GCC2: variants seen among roughly 807,000 people sequenced by gnomAD.
GCC2 encodes the protein GRIP and coiled-coil domain containing 2.
GCC2 carries 120 observed loss-of-function variants against 210.6 expected under a neutral mutation model. The ratio of observed to expected loss-of-function variants is 0.57; its 90% CI spans 0.49 to 0.66. The LOEUF is 0.66. Among genes scored for constraint, GCC2 ranks in the 30% least tolerant of loss-of-function variants. The probability of loss-of-function intolerance (pLI) is 0.00; values close to 1 mark genes in which losing one functional copy is unlikely to be tolerated. For synonymous variants in GCC2, 703 were observed against 652.7 expected, an observed-to-expected ratio of 1.08 and a Z score of -1.17; for missense variants, 1,868 against 1,871.9, an observed-to-expected ratio of 1.00 and a Z score of 0.04.
At position 108,470,918 on chromosome 2, in the gene GCC2, A is replaced by T; in HGVS notation, c.1589A>T (p.Lys530Ile). 6.2e-7 allele frequency: 1 copy of T among 1,613,618 alleles called. No homozygotes were observed. The highest frequency in any genetic ancestry group is 8.5e-7 in the Non-Finnish European group (1 of 1,179,706). The change falls in exon 6 of 23, where the codon AAA (lysine) becomes ATA (isoleucine). Residue 530 changes from lysine to isoleucine, a missense_variant. Transcript: ENST00000309863. ...QQKLRTAFTE[K>I]DALLETVNRL... The stretch of plus-strand genomic sequence containing the variant: ...AAGCTCAGAACTGCTTTTACTGAAA[A>T]AGATGCCCTTCTCGAAACTGTGAAT...
chr2:108,482,279 C>T lies in GCC2; in HGVS notation c.3181-8C>T, dbSNP rs1368204343. 8 of 1,538,778 alleles carry T rather than the reference C, an allele frequency of 5.2e-6. No homozygotes were observed. In the Admixed American group the frequency reaches 1.5e-4, roughly 29 times the overall value. ...ATGTTTATAGTAATGAATCATTTGT[C>T]ATTTCAGTGTGAAACAATAAATTCT... On this transcript the variant is annotated splice_polypyrimidine_tract_variant and splice_region_variant and intron_variant, in intron 10 of 22. Coordinates refer to ENST00000309863, the MANE Select transcript of GCC2 (RefSeq NM_181453.4).
intron 21 of GCC2, among the ~76,000 whole-genome samples, chr2:108,499,082 C>CTA (rs4012131): frequency 1.1e-5 from 1 of 91,862 alleles, no homozygotes; most frequent in Admixed American, 1.2e-4. Context: ...ATCCTCTCCT[C>CTA]GTCAGTGATA....
intron 4 of GCC2, among the ~76,000 whole-genome samples, chr2:108,463,282 A>G (rs1355744584): frequency 2.6e-5 from 4 of 151,952 alleles, no homozygotes; most frequent in Non-Finnish European, 5.9e-5. Flanking sequence ...AATGTTTTCT[A>G]TGTCCTTTAC....
intron 21 of GCC2, among the ~76,000 whole-genome samples, chr2:108,498,129 C>CAAATCACTAACTA: frequency 7.1e-6 from 1 of 140,830 alleles, no homozygotes; most frequent in Non-Finnish European, 1.5e-5. Flanking sequence ...TCGTAGCTAA[C>CAAATCACTAACTA]AAATCACTAA....
rs1682757841 is a variant in GCC2, at chr2:108,498,425, ACCTCGTGATCTGCCTG to A, written c.4783-1123_4783-1108del. On this transcript the variant is annotated intron_variant, in intron 21 of 22. Coordinates refer to ENST00000309863, the MANE Select transcript of GCC2 (RefSeq NM_181453.4). ...TGGCCAGGATGGTCTCAATCTCCTG[ACCTCGTGATCTGCCTG>A]CCTCAGCCTCCCAAAGTGTTGGGAT... 2.0e-5 allele frequency among the ~76,000 whole-genome samples: 3 copies of A among 151,496 alleles called. No individual in the cohort carries two copies. In the South Asian group the frequency reaches 6.3e-4, roughly 32 times the overall value.
rs545469314 is a variant in GCC2, at chr2:108,476,928, C to T, written c.3060+1078C>T. 4.6e-5 allele frequency among the ~76,000 whole-genome samples: 7 copies of T among 152,114 alleles called. No individual in the cohort carries two copies. In the South Asian group the frequency reaches 1.5e-3, roughly 32 times the overall value. On this transcript the variant is annotated intron_variant, in intron 9 of 22. Coordinates refer to ENST00000309863, the MANE Select transcript of GCC2 (RefSeq NM_181453.4). Reference sequence around the variant, plus strand: ...GGCGGGATTTGATGAAAAAAAATATCCCACAGCAGCCATAAAATCCAATCT... The same window carrying T: ...GGCGGGATTTGATGAAAAAAAATATTCCACAGCAGCCATAAAATCCAATCT...
intron 9 of GCC2, among the ~76,000 whole-genome samples, chr2:108,480,161 T>C (rs1434059672): frequency 1.3e-5 from 2 of 151,966 alleles, no homozygotes; most frequent in African/African-American, 4.8e-5. Flanking sequence ...AAATATAAAC[T>C]TTGCAAGAAA....
rs781322684 is a variant in GCC2 at position 108,470,203 on chromosome 2, CAGA to C, written c.879_881del (p.Lys294del). The C allele has an allele frequency of 1.9e-6, 3 of 1,612,976 alleles. No homozygotes were observed. The highest frequency in any genetic ancestry group is 2.5e-6 in the Non-Finnish European group (3 of 1,179,590). On this transcript the variant is annotated inframe_deletion, in exon 6 of 23. Transcript: ENST00000309863. ...ATGTGAGGCAAGTGAAAAGAACATCCAGAAGAAATATGAATGTGAGTTAGAAAA... is the reference window on the plus strand; with the variant it reads ...ATGTGAGGCAAGTGAAAAGAACATCCAGAAATATGAATGTGAGTTAGAAAA...
Position 108,497,056 on chromosome 2 carries a change from G to C in GCC2, c.4729G>C (p.Gly1577Arg). The C allele has an allele frequency of 6.2e-7, 1 of 1,611,948 alleles. No homozygotes were observed. Among genetic ancestry groups the C allele is most frequent in the South Asian group, 1.1e-5 (1 of 90,984 alleles). ...STTKSADHLN[G>R]LLRETEATNA... ...CACAAAAAGTGCAGATCACTTAAAC[G>C]GCCTGCTTCGGGAAACAGAAGCAAC... The change falls in exon 21 of 23, where the codon GGC becomes CGC. Residue 1577 changes from glycine to arginine, a missense_variant. This residue lies in a region of GCC2 where 1,847 missense variants were observed against 1,765.2 expected (regional missense o/e 1.05). Transcript: ENST00000309863.
intron 5 of GCC2, 69 bp from the exon 6 acceptor site, chr2:108,469,582 T>C: frequency 9.0e-7 from 1 of 1,105,054 alleles, no homozygotes; most frequent in South Asian, 1.6e-5. Flanking sequence ...GTGGCTAATA[T>C]TTTTCCTAAG....
chr2:108,489,010 A>C (rs1468841171), intron 17 of GCC2, among the ~76,000 whole-genome samples: 1 of 152,198 alleles, frequency 6.6e-6, no homozygotes, highest in Non-Finnish European at 1.5e-5. Flanking sequence ...ACATGAATGT[A>C]AATGTTTTGT....
Position 108,487,370 on chromosome 2 carries a change from G to A in GCC2, c.3931-329G>A, listed in dbSNP as rs1314078689. 2.6e-5 allele frequency among the ~76,000 whole-genome samples: 4 copies of A among 152,210 alleles called. No individual in the cohort carries two copies. In the South Asian group the frequency reaches 8.3e-4, roughly 32 times the overall value. ...ATTGAGAGGCCTTTAAAAAGTGTAA[G>A]GCCTCCCAACATGAAGACCTGATAA... On this transcript the variant is annotated intron_variant, in intron 16 of 22. Transcript: ENST00000309863.
chr2:108,482,802 G>A (rs939596924), intron 11 of GCC2, among the ~76,000 whole-genome samples: 7 of 151,908 alleles, frequency 4.6e-5, no homozygotes, highest in Non-Finnish European at 8.8e-5. Context: ...TCAGCCTCCC[G>A]AGTAGCTGGG....
chr2:108,472,743 A>G, intron 6 of GCC2, 84 bp from the exon 7 acceptor site: 1 of 783,518 alleles, frequency 1.3e-6, no homozygotes, highest in South Asian at 1.6e-5. Flanking sequence ...TATGCTTAAC[A>G]TGATGGCCAG....
chr2:108,470,160 A>C lies in GCC2; in HGVS notation c.831A>C (p.Lys277Asn). Reference protein sequence around the residue: ...EAEINKLNELKENLVKQCEAS... With the variant: ...EAEINKLNELNENLVKQCEAS... ...AGATAAATAAGTTGAACGAGCTAAA[A>C]GAGAACTTAGTAAAACAATGTGAGG... The change falls in exon 6 of 23, where the codon AAA becomes AAC. Residue 277 changes from lysine to asparagine, a missense_variant. Lys to Asn is a moderately conservative substitution (Grantham distance 94). Around this residue, in one of 3 missense-constraint regions of GCC2, gnomAD observed 1,847 missense variants for 1,765.2 expected, o/e 1.05. Transcript: ENST00000309863. 2 of 1,613,806 alleles carry C rather than the reference A, an allele frequency of 1.2e-6. No homozygotes were observed. The highest frequency in any genetic ancestry group is 2.2e-5 in the South Asian group (2 of 91,052).
Position 108,508,180 on chromosome 2 carries a change from T to C in GCC2, c.*550T>C, listed in dbSNP as rs1304353417. ...TAGTAATAAAATAAAAATAACGTTT[T>C]ATGACTATTTATTGCAAGGTCAGAG... is the stretch of plus-strand genomic sequence containing the variant. On this transcript the variant is annotated 3_prime_UTR_variant, in exon 23 of 23. Transcript: ENST00000309863. 1 of 151,244 alleles carries C rather than the reference T, an allele frequency of 6.6e-6. No individual in the cohort carries two copies. The highest frequency in any genetic ancestry group is 1.5e-5 in the Non-Finnish European group (1 of 67,902). 9.4% of individuals were successfully genotyped at this position (151,244 alleles called of 1,614,324 possible). A position where few individuals can be genotyped will look rare whatever the true frequency, so the allele number is the denominator to read the frequency against.
intron 18 of GCC2, among the ~76,000 whole-genome samples, chr2:108,490,849 C>T (rs1682370686): frequency 6.6e-6 from 1 of 152,140 alleles, no homozygotes; most frequent in South Asian, 2.1e-4. Flanking sequence ...TTGCAAATTA[C>T]ATTGCTAACA....
At chr2:108,488,681 C>T (rs1323644952) in intron 17 of GCC2, among the ~76,000 whole-genome samples, 4 of 152,044 alleles carry the variant, frequency 2.6e-5, no homozygotes, top group Non-Finnish European at 4.4e-5. Flanking sequence ...GCATACAGAT[C>T]CTGTTTGTAC....
chr2:108,469,750 G>A lies in GCC2; in HGVS notation c.421G>A (p.Val141Ile). ...IENLKNELMA[V>I]RSKYSEDKAN... The stretch of plus-strand genomic sequence containing the variant: ...AAATTTGAAAAATGAGTTGATGGCA[G>A]TACGTTCCAAATACAGTGAAGACAA... Residue 141 changes from valine (V) to isoleucine (I), a missense_variant, in exon 6 of 23, where the codon GTA (valine) becomes ATA (isoleucine). Around this residue, in one of 3 missense-constraint regions of GCC2, gnomAD observed 1,847 missense variants for 1,765.2 expected, o/e 1.05. Transcript: ENST00000309863. 5 of 1,613,508 alleles carry A rather than the reference G, an allele frequency of 3.1e-6. No individual in the cohort carries two copies. The highest frequency in any genetic ancestry group is 4.2e-6 in the Non-Finnish European group (5 of 1,179,508).
Sources: allele counts gnomAD v4.1 joint callset (sites outside exome capture counted in the v4.1 genomes callset), GRCh38; gene constraint gnomAD v4.1.1; regional missense constraint gnomAD v4.1.1; transcripts MANE v1.5; gene names NCBI Gene and HGNC (gene_info 2026-07-23, HGNC 2026-07-21).